The following HERC1 variants were observed in gnomAD, a reference collection of about 807,000 sequenced individuals.
The protein encoded by HERC1 is probable E3 ubiquitin-protein ligase HERC1.
In HERC1, 160 loss-of-function variants were observed where a neutral mutation model predicts 554.3. That is an observed-to-expected ratio of 0.29 (90% CI 0.25 to 0.33). The LOEUF is 0.33. Ranked by LOEUF, HERC1 falls within the 10% of genes least tolerant of loss-of-function variation. The pLI is 1.00. For missense variants in HERC1, 4,919 were observed against 5,918.5 expected (o/e 0.83, Z 5.54); for synonymous variants, 2,175 against 2,131.7 (o/e 1.02, Z -0.56).
intron 53 of HERC1, 148 bp downstream of exon 53, chr15:63,651,105 C>T: frequency 1.5e-6 from 1 of 645,474 alleles, no homozygotes; most frequent in Middle Eastern, 4.1e-4. Context: ...TAATTTGAAG[C>T]ACACAGTGCA....
At position 63,694,173 on chromosome 15, in the gene HERC1, GA is replaced by G. The variant is rs983878962; in HGVS notation, c.5481-17del. ...AGCATAGGTCCTATGTGAAATAAAA[GA>G]AAAAAATAAGTGGCAAACACACAGA... On this transcript the variant is annotated splice_polypyrimidine_tract_variant and intron_variant, in intron 29 of 77. Coordinates refer to ENST00000443617, the MANE Select transcript of HERC1 (RefSeq NM_003922.4). This position sits in a 1 kb window ranked among gnomAD's most constrained non-coding sequence, Gnocchi z 4.3. The G allele has an allele frequency of 2.5e-6, 4 of 1,578,570 alleles. No individual in the cohort carries two copies. The highest frequency in any genetic ancestry group is 1.2e-5 in the South Asian group (1 of 85,726).
At position 63,659,644 on chromosome 15, in the gene HERC1, T is replaced by C. The variant is rs925904717; in HGVS notation, c.9424+92A>G. On this transcript the variant is annotated intron_variant, in intron 47 of 77. Transcript: ENST00000443617. ...AGATAATGTTGAACCATTAGTCTTA[T>C]TTACTTTTACTTTATTATTATTATT... 4.6e-6 allele frequency: 4 copies of C among 862,500 alleles called. No individual in the cohort carries two copies. In the African/African-American group the frequency reaches 5.1e-5, roughly 11 times the overall value. 53.4% of individuals were successfully genotyped at this position (862,500 alleles called of 1,614,324 possible).
rs914516189 is a variant in HERC1 at position 63,749,113 on chromosome 15, G to A, written c.2219+254C>T. ...TAAATCAGCATGTAGAGATGAGAGA[G>A]AACTCAAAATGTTTAAAAGACAATG... On this transcript the variant is annotated intron_variant, in intron 10 of 77. Coordinates refer to ENST00000443617, the MANE Select transcript of HERC1 (RefSeq NM_003922.4). The surrounding 1 kb of genome is among the most constrained non-coding windows in gnomAD (Gnocchi z 4.1). 1.3e-5 allele frequency among the ~76,000 whole-genome samples: 2 copies of A among 152,136 alleles called. No individual in the cohort carries two copies. Among genetic ancestry groups the A allele is most frequent in the Admixed American group, 6.5e-5 (1 of 15,274 alleles).
chr15:63,678,990 C>A (rs1335384337), intron 36 of HERC1, among the ~76,000 whole-genome samples: 1 of 152,202 alleles, frequency 6.6e-6, no homozygotes, highest in Non-Finnish European at 1.5e-5. Flanking sequence ...CTTATTAGTA[C>A]ATTGCCAGTC....
At chr15:63,628,884 T>C in intron 69 of HERC1, 69 bp from the exon 70 acceptor site, 2 of 1,484,214 alleles carry the variant, frequency 1.3e-6, no homozygotes, top group African/African-American at 1.4e-5. Flanking sequence ...ATATGAAATT[T>C]TTCTTAGATG....
intron 1 of HERC1, among the ~76,000 whole-genome samples, chr15:63,795,065 C>CAAAAAAAAAA (rs1177647525): frequency 4.4e-5 from 3 of 68,964 alleles, no homozygotes; most frequent in Admixed American, 2.0e-4. Context: ...GACTCTGTCT[C>CAAAAAAAAAA]AAAAAAAAAA....
chr15:63,713,200 CTTTACT>C (rs1172899030), intron 23 of HERC1, among the ~76,000 whole-genome samples, 147 bp downstream of exon 23: 1 of 152,188 alleles, frequency 6.6e-6, no homozygotes, highest in Non-Finnish European at 1.5e-5. Context: ...TCAGTATTTA[CTTTACT>C]TTAAGTTCAT....
At chr15:63,610,883 G>A (rs897765352) in intron 77 of HERC1, among the ~76,000 whole-genome samples, 3 of 152,194 alleles carry the variant, frequency 2.0e-5, no homozygotes, top group African/African-American at 7.2e-5. Flanking sequence ...GGAGACAGAG[G>A]GAGGAGAGGC....
intron 1 of HERC1, among the ~76,000 whole-genome samples, chr15:63,790,103 T>A (rs2076593087): frequency 6.6e-6 from 1 of 152,112 alleles, no homozygotes; most frequent in Non-Finnish European, 1.5e-5. Flanking sequence ...ATATAATGGA[T>A]AATAAAAGAA....
chr15:63,825,937 TTTTTTAG>T (rs1408996595), intron 1 of HERC1, among the ~76,000 whole-genome samples: 1 of 151,730 alleles, frequency 6.6e-6, no homozygotes, highest in Non-Finnish European at 1.5e-5. Flanking sequence ...TAATTTTTGT[TTTTTTAG>T]TAGAGACGGG....
At position 63,715,410 on chromosome 15, in the gene HERC1, C is replaced by T. The variant is rs185387787; in HGVS notation, c.4150+892G>A. Among the ~76,000 whole-genome samples, 87 of 152,346 alleles carry T rather than the reference C, an allele frequency of 5.7e-4. 2 individuals are homozygous for T. The highest frequency in any genetic ancestry group is 1.9e-3 in the African/African-American group (80 of 41,590). On this transcript the variant is annotated intron_variant, in intron 22 of 77. Coordinates refer to ENST00000443617, the MANE Select transcript of HERC1 (RefSeq NM_003922.4). The stretch of plus-strand genomic sequence containing the variant: ...AAATTTATATTCAACTGCAAAAGTT[C>T]CCTCAGCCTAGGTTTTTAAAATACA...
rs2072170718 is a variant in HERC1, at chr15:63,692,599, A to C, written c.5675-33T>G. ...GAAGAGACAAGTTTACGTTACAACCAAGAGCCAACAAGAAATAGTCTTATA... is the reference window on the plus strand; with the variant it reads ...GAAGAGACAAGTTTACGTTACAACCCAGAGCCAACAAGAAATAGTCTTATA... On this transcript the variant is annotated intron_variant, in intron 30 of 77. Transcript: ENST00000443617. This position sits in a 1 kb window ranked among gnomAD's most constrained non-coding sequence, Gnocchi z 4.7. The C allele has an allele frequency of 6.5e-7, 1 of 1,543,374 alleles. No homozygotes were observed. The highest frequency in any genetic ancestry group is 1.2e-5 in the South Asian group (1 of 80,076).
intron 48 of HERC1, 46 bp from the exon 49 acceptor site, chr15:63,656,404 T>A (rs764355046): frequency 6.5e-7 from 1 of 1,549,390 alleles, no homozygotes; most frequent in Non-Finnish European, 8.8e-7. Context: ...AAAATGGATT[T>A]CTTAAGGGAC....
Position 63,828,277 on chromosome 15 carries a change from G to C in HERC1, c.-27+5550C>G, listed in dbSNP as rs540667680. Among the ~76,000 whole-genome samples, 4 of 151,906 alleles carry C rather than the reference G, an allele frequency of 2.6e-5. No homozygotes were observed. In the South Asian group the frequency reaches 8.3e-4, roughly 32 times the overall value. On this transcript the variant is annotated intron_variant, in intron 1 of 77. Coordinates refer to ENST00000443617, the MANE Select transcript of HERC1 (RefSeq NM_003922.4). ...GGCATGGGCAAGAGGTAGAAACAAAGATGGAGGGATGGAAATGAGATAGTA... is the reference window on the plus strand; with the variant it reads ...GGCATGGGCAAGAGGTAGAAACAAACATGGAGGGATGGAAATGAGATAGTA...
At chr15:63,777,686 C>T (rs1045790034) in intron 1 of HERC1, among the ~76,000 whole-genome samples, 2 of 152,142 alleles carry the variant, frequency 1.3e-5, no homozygotes, top group African/African-American at 4.8e-5. Flanking sequence ...CTATCTTTTA[C>T]ATACACACAC....
chr15:63,664,371 G>C, intron 43 of HERC1, 99 bp downstream of exon 43: 2 of 1,031,926 alleles, frequency 1.9e-6, no homozygotes, highest in East Asian at 4.9e-5. Flanking sequence ...GAGGGACTGA[G>C]CACTTAGTAT....
At chr15:63,723,733 C>G (rs1237106574) in intron 18 of HERC1, among the ~76,000 whole-genome samples, 2 of 152,164 alleles carry the variant, frequency 1.3e-5, no homozygotes, top group African/African-American at 4.8e-5. Context: ...GAATGATATC[C>G]TCTTTGAGAA....
In HERC1 at chr15:63,774,910, C is replaced by T. The variant is rs1365987999; in HGVS notation, c.714G>A (p.Gly238=). Reference sequence around the variant, plus strand: ...CTAATCTACGACCTAAAGTGTCTGCCCCAGAATTAGGAATAGTGACTCCTT... The same window carrying T: ...CTAATCTACGACCTAAAGTGTCTGCTCCAGAATTAGGAATAGTGACTCCTT... ...FLKGVTIPNS[G]ADTLGRRLAS... is the part of the protein sequence containing the mutation. Residue 238 remains glycine (G), a synonymous_variant, in exon 2 of 78, where the codon GGG becomes GGA. Coordinates refer to ENST00000443617, the MANE Select transcript of HERC1 (RefSeq NM_003922.4). The T allele has an allele frequency of 1.2e-6, 2 of 1,613,916 alleles. No homozygotes were observed. The highest frequency in any genetic ancestry group is 2.2e-5 in the South Asian group (2 of 91,072).
chr15:63,829,175 C>CT (rs1373370557), intron 1 of HERC1, among the ~76,000 whole-genome samples: 1 of 151,948 alleles, frequency 6.6e-6, no homozygotes, highest in Non-Finnish European at 1.5e-5. Flanking sequence ...TCCCAACACT[C>CT]TGAGAGGCCA....
Sources: gnomAD v4.1 joint callset for allele counts (sites outside exome capture counted in the v4.1 genomes callset) on GRCh38, gnomAD v4.1.1 for gene constraint, Gnocchi (gnomAD v3.1) non-coding constraint, MANE v1.5 for transcripts, NCBI Gene and HGNC (gene_info 2026-07-23, HGNC 2026-07-21) for gene names.